The following SLC4A4 variants were observed in gnomAD, a reference collection of about 807,000 sequenced individuals.
SLC4A4 encodes the protein solute carrier family 4 member 4.
In SLC4A4, 27 loss-of-function variants were observed where a neutral mutation model predicts 111.5. The observed-to-expected ratio is 0.24, with a 90% CI of 0.18 to 0.33. SLC4A4 has a LOEUF of 0.33. SLC4A4 is among the 10% of genes least tolerant of loss of function. The pLI, the probability that SLC4A4 is intolerant of heterozygous loss-of-function variation, is 1.00. For missense variants in SLC4A4, 909 were observed against 1,315.5 expected (o/e 0.69, Z 4.78); for synonymous variants, 443 against 463.4 (o/e 0.96, Z 0.57).
chr4:71,345,789 CT>C (rs1007943663), intron 4 of SLC4A4, among the ~76,000 whole-genome samples: 11 of 151,970 alleles, frequency 7.2e-5, no homozygotes, highest in African/African-American at 2.7e-4. Context: ...GTTAATTTTT[CT>C]GTAAGAAAAA....
At chr4:71,411,613 G>A (rs1307962212) in intron 7 of SLC4A4, among the ~76,000 whole-genome samples, 1 of 152,080 alleles carries the variant, frequency 6.6e-6, no homozygotes, top group Non-Finnish European at 1.5e-5. Context: ...AGCTCAGCAA[G>A]GTTACAGTTT....
At chr4:71,178,614 A>G (rs1268491674) in intron 2 of SLC4A4, among the ~76,000 whole-genome samples, 10 of 152,246 alleles carry the variant, frequency 6.6e-5, no homozygotes, top group Admixed American at 6.5e-4. Context: ...GAAGAAATGG[A>G]TACATTCCTC....
chr4:71,443,342 G>T (rs1724944343), intron 8 of SLC4A4, among the ~76,000 whole-genome samples: 1 of 151,354 alleles, frequency 6.6e-6, no homozygotes, highest in Non-Finnish European at 1.5e-5. Context: ...TAGAGACGGG[G>T]TTTCACCATG....
chr4:71,386,044 A>G (rs994956897), intron 6 of SLC4A4, among the ~76,000 whole-genome samples: 4 of 151,534 alleles, frequency 2.6e-5, no homozygotes, highest in African/African-American at 9.7e-5. Flanking sequence ...TTTTCTATAT[A>G]TATTTTTTTC....
chr4:71,430,456 A>G (rs1189804205), intron 7 of SLC4A4, among the ~76,000 whole-genome samples: 1 of 152,174 alleles, frequency 6.6e-6, no homozygotes, highest in Non-Finnish European at 1.5e-5. Context: ...CCAAAAAAAA[A>G]TCTGTAGTAC....
intron 13 of SLC4A4, among the ~76,000 whole-genome samples, chr4:71,468,214 A>G (rs1471607621): frequency 6.6e-6 from 1 of 152,092 alleles, no homozygotes; most frequent in Non-Finnish European, 1.5e-5. Flanking sequence ...ATGTTAGTTT[A>G]TAGAAAGAGT....
At chr4:71,103,177 C>A (rs1163172841) in intron 2 of SLC4A4, among the ~76,000 whole-genome samples, 1 of 151,138 alleles carries the variant, frequency 6.6e-6, no homozygotes, top group Non-Finnish European at 1.5e-5. Flanking sequence ...ACAAAGAAGG[C>A]CATTACATAA....
intron 1 of SLC4A4, among the ~76,000 whole-genome samples, chr4:71,219,826 A>C (rs2149020582): frequency 6.6e-6 from 1 of 152,328 alleles, no homozygotes; most frequent in East Asian, 1.9e-4. Context: ...TGCAGAAGTG[A>C]TGGACATAGC....
At chr4:71,360,422 T>C (rs1315916060) in intron 6 of SLC4A4, among the ~76,000 whole-genome samples, 2 of 152,182 alleles carry the variant, frequency 1.3e-5, no homozygotes, top group Non-Finnish European at 1.5e-5. Context: ...TTTAAAAGTG[T>C]AAAGTGTCTA....
rs1238793140 is a variant in SLC4A4 at position 71,221,497 on chromosome 4, A to C, written c.-1-15079A>C. On this transcript the variant is annotated intron_variant, in intron 1 of 25. Transcript: ENST00000264485. ...GGAATCAGAAAACTCATAGTTTAAA[A>C]CAACTTTAAATGTATTCCTTTTTTA... is the stretch of plus-strand genomic sequence containing the variant. 2.0e-5 allele frequency among the ~76,000 whole-genome samples: 3 copies of C among 152,224 alleles called. No individual in the cohort carries two copies. The East Asian group carries it at 5.8e-4, about 29-fold the overall frequency.
intron 3 of SLC4A4, among the ~76,000 whole-genome samples, chr4:71,323,697 T>A (rs965841918): frequency 1.1e-4 from 16 of 152,042 alleles, no homozygotes; most frequent in African/African-American, 3.6e-4. Flanking sequence ...TGGGTCTCAA[T>A]CAGGACAGCA....
chr4:71,544,080 A>G (rs1307207836), intron 18 of SLC4A4, among the ~76,000 whole-genome samples: 1 of 152,106 alleles, frequency 6.6e-6, no homozygotes, highest in African/African-American at 2.4e-5. Context: ...CTTACAGTCT[A>G]ATGTCAAAGA....
In SLC4A4 at chr4:71,084,169, A is replaced by G. The variant is rs182612022; in HGVS notation, c.-64-8561A>G. ...CTTTTTGATGTGTTGAGGATTCGAT[A>G]TTAATTCAAGGGAATTGTTCAATAT... On this transcript the variant is annotated intron_variant, in intron 1 of 26. Coordinates refer to the SLC4A4 transcript ENST00000649996. 1.4e-3 allele frequency among the ~76,000 whole-genome samples: 206 copies of G among 152,184 alleles called. 3 individuals are homozygous for G. The highest frequency in any genetic ancestry group is 4.9e-3 in the African/African-American group (203 of 41,438).
intron 2 of SLC4A4, among the ~76,000 whole-genome samples, chr4:71,178,900 A>G (rs1436101511): frequency 2.0e-5 from 3 of 152,180 alleles, no homozygotes; most frequent in South Asian, 4.1e-4. Context: ...AGACACAACA[A>G]AAAAAGAGAA....
intron 7 of SLC4A4, chr4:71,437,029 G>T: frequency 2.7e-6 from 1 of 370,022 alleles, no homozygotes; most frequent in Non-Finnish European, 5.3e-6. Flanking sequence ...TAGGCCAATG[G>T]TCCAATTAGT....
At chr4:71,308,103 G>T (rs1189042336) in intron 3 of SLC4A4, among the ~76,000 whole-genome samples, 1 of 151,998 alleles carries the variant, frequency 6.6e-6, no homozygotes, top group African/African-American at 2.4e-5. Flanking sequence ...TACTCTTATA[G>T]TCTTCTTTCT....
intron 3 of SLC4A4, among the ~76,000 whole-genome samples, chr4:71,271,066 C>T (rs886825562): frequency 1.3e-5 from 2 of 152,142 alleles, no homozygotes; most frequent in African/African-American, 4.8e-5. Flanking sequence ...ACATCTTTCA[C>T]GTTTGCCTGC....
chr4:71,378,047 A>G (rs1237604704), intron 6 of SLC4A4, among the ~76,000 whole-genome samples: 1 of 152,188 alleles, frequency 6.6e-6, no homozygotes, highest in Non-Finnish European at 1.5e-5. Flanking sequence ...CAGTATCAGG[A>G]GAATAGCACA....
intron 16 of SLC4A4, among the ~76,000 whole-genome samples, chr4:71,516,771 C>T (rs1402071150): frequency 6.6e-6 from 1 of 152,166 alleles, no homozygotes; most frequent in African/African-American, 2.4e-5. Flanking sequence ...TCTGTGAGTT[C>T]CTTCTTGGAC....
Sources: gnomAD v4.1 joint callset for allele counts (sites outside exome capture counted in the v4.1 genomes callset) on GRCh38, gnomAD v4.1.1 for gene constraint, MANE v1.5 for transcripts, NCBI Gene and HGNC (gene_info 2026-07-23, HGNC 2026-07-21) for gene names.